Variants in KAZN observed in about 807,000 individuals in gnomAD.
KAZN encodes kazrin, periplakin interacting protein.
A neutral mutation model predicts 87.4 loss-of-function variants in KAZN; 40 were observed. The ratio of observed to expected loss-of-function variants is 0.46; its 90% CI spans 0.36 to 0.60. The LOEUF is 0.60. Among genes scored for constraint, KAZN ranks in the 20% least tolerant of loss-of-function variants. The pLI is 0.00. For missense variants in KAZN, 898 were observed against 1,073.9 expected (o/e 0.84, Z 2.29); for synonymous variants, 466 against 458.3 (o/e 1.02, Z -0.22).
At chr1:14,540,091 C>G (rs1244640990) in intron 2 of KAZN, among the ~76,000 whole-genome samples, 1 of 152,168 alleles carries the variant, frequency 6.6e-6, no homozygotes, top group Non-Finnish European at 1.5e-5. Flanking sequence ...AATAAAGGAA[C>G]TGACAGCCCC....
intron 1 of KAZN, among the ~76,000 whole-genome samples, chr1:13,972,276 CT>C (rs546200121): frequency 0.091 from 12,828 of 140,998 alleles, 647 homozygotes; most frequent in Middle Eastern, 0.13. Flanking sequence ...TTTTTCTTTT[CT>C]TTTTTTTTTT....
intron 8 of KAZN, among the ~76,000 whole-genome samples, chr1:15,085,709 T>C (rs1640220543): frequency 6.6e-6 from 1 of 152,132 alleles, no homozygotes; most frequent in Non-Finnish European, 1.5e-5. Context: ...CAGATTTTCA[T>C]CAACACAGAA....
chr1:15,090,516 G>A (rs1360371340), intron 8 of KAZN, among the ~76,000 whole-genome samples: 2 of 152,200 alleles, frequency 1.3e-5, no homozygotes, highest in Non-Finnish European at 2.9e-5. Flanking sequence ...CCTGCACCCC[G>A]GCCTGACAGC....
intron 1 of KAZN, chr1:13,893,779 T>C (rs1187390626): frequency 1.2e-5 from 18 of 1,549,704 alleles, no homozygotes; most frequent in Non-Finnish European, 1.7e-6. Flanking sequence ...TCGTGTGTCA[T>C]GTGCCCAGAG....
chr1:14,095,552 C>G (rs753344106), intron 1 of KAZN, among the ~76,000 whole-genome samples: 2 of 152,152 alleles, frequency 1.3e-5, no homozygotes, highest in African/African-American at 2.4e-5. Flanking sequence ...GGTTGGAAGA[C>G]ATGAAAGGCT....
intron 2 of KAZN, among the ~76,000 whole-genome samples, chr1:14,371,699 T>C (rs1162578081): frequency 3.3e-5 from 5 of 152,196 alleles, no homozygotes; most frequent in Non-Finnish European, 7.3e-5. Context: ...TCAATAAATA[T>C]TTATTGACAT....
chr1:14,802,469 A>T (rs1646066916), intron 1 of KAZN, among the ~76,000 whole-genome samples: 1 of 151,272 alleles, frequency 6.6e-6, no homozygotes, highest in East Asian at 1.9e-4. Flanking sequence ...ATACCTGGAG[A>T]TGTGTCTGGT....
intron 1 of KAZN, among the ~76,000 whole-genome samples, chr1:14,603,397 C>CTGGTAGGT (rs1677126099): frequency 1.8e-4 from 1 of 5,610 alleles, no homozygotes; most frequent in Non-Finnish European, 4.1e-4. Context: ...TTTTCCTAAC[C>CTGGTAGGT]TGTCATGGGA....
In KAZN at chr1:15,059,391, T is replaced by G. The variant is rs535352643; in HGVS notation, c.917-781T>G. On this transcript the variant is annotated intron_variant, in intron 5 of 14. Coordinates refer to ENST00000376030, the MANE Select transcript of KAZN (RefSeq NM_201628.3). ...CCAAGGCAGGGGGACATGGCCTGTC[T>G]CAGGCAGTCAGAAGGCTGATGTGGC... 1.1e-4 allele frequency among the ~76,000 whole-genome samples: 17 copies of G among 152,322 alleles called. No homozygotes were observed. The East Asian group carries it at 3.3e-3, about 29-fold the overall frequency.
chr1:14,765,112 G>A (rs1300848229), intron 1 of KAZN, among the ~76,000 whole-genome samples: 1 of 152,182 alleles, frequency 6.6e-6, no homozygotes, highest in Non-Finnish European at 1.5e-5. Flanking sequence ...TTGGTGTTTG[G>A]GACTGGATCA....
intron 1 of KAZN, among the ~76,000 whole-genome samples, chr1:14,622,518 G>A (rs779147815): frequency 1.3e-5 from 2 of 151,708 alleles, no homozygotes; most frequent in Non-Finnish European, 2.9e-5. Flanking sequence ...GTGAAACCCC[G>A]TCTCTACTAA....
intron 2 of KAZN, among the ~76,000 whole-genome samples, chr1:14,360,777 C>T (rs571206446): frequency 3.3e-5 from 5 of 152,326 alleles, no homozygotes; most frequent in African/African-American, 1.2e-4. Flanking sequence ...GGCTGCAGAA[C>T]AGCAAAGATT....
At chr1:14,059,390 G>T (rs771473069) in intron 1 of KAZN, among the ~76,000 whole-genome samples, 4 of 152,200 alleles carry the variant, frequency 2.6e-5, no homozygotes, top group Non-Finnish European at 4.4e-5. Flanking sequence ...AAAGAACTTG[G>T]AGTCTGATGT....
intron 2 of KAZN, among the ~76,000 whole-genome samples, chr1:14,379,583 G>A (rs1327147549): frequency 1.3e-5 from 2 of 152,096 alleles, no homozygotes; most frequent in East Asian, 1.9e-4. Flanking sequence ...GGACCTTAAG[G>A]GTATATTGAT....
At chr1:14,562,396 C>T (rs1276326487) in intron 2 of KAZN, among the ~76,000 whole-genome samples, 1 of 152,134 alleles carries the variant, frequency 6.6e-6, no homozygotes, top group East Asian at 1.9e-4. Flanking sequence ...GCTTGACTCA[C>T]CTGGATAAAT....
At chr1:13,946,641 GAACT>G (rs1340160708) in intron 1 of KAZN, among the ~76,000 whole-genome samples, 1 of 152,114 alleles carries the variant, frequency 6.6e-6, no homozygotes, top group Non-Finnish European at 1.5e-5. Context: ...AACACTTGTT[GAACT>G]AATATTCCAA....
At chr1:14,500,290 A>G (rs1670169441) in intron 2 of KAZN, among the ~76,000 whole-genome samples, 2 of 152,074 alleles carry the variant, frequency 1.3e-5, no homozygotes, top group Admixed American at 1.3e-4. Context: ...CTGCAGTGGG[A>G]AAATCTGTTT....
chr1:14,797,164 G>A (rs937052141), intron 1 of KAZN, among the ~76,000 whole-genome samples: 2 of 152,122 alleles, frequency 1.3e-5, no homozygotes, highest in Non-Finnish European at 2.9e-5. Context: ...GGGTTCAAGT[G>A]ATTCTCCTGC....
At chr1:14,625,016 T>C (rs1679023309) in intron 1 of KAZN, among the ~76,000 whole-genome samples, 1 of 152,120 alleles carries the variant, frequency 6.6e-6, no homozygotes, top group Non-Finnish European at 1.5e-5. Context: ...GATAAATTGC[T>C]GGTCTGTGCC....
Sources: gnomAD v4.1 joint callset for allele counts (sites outside exome capture counted in the v4.1 genomes callset) on GRCh38, gnomAD v4.1.1 for gene constraint, MANE v1.5 for transcripts, NCBI Gene and HGNC (gene_info 2026-07-23, HGNC 2026-07-21) for gene names.